GULP1: variants seen among roughly 807,000 people sequenced by gnomAD.
The protein encoded by GULP1 is GULP PTB domain containing engulfment adaptor 1, also known as PTB domain-containing engulfment adapter protein 1.
In GULP1, 19 loss-of-function variants were observed where a neutral mutation model predicts 40.9. The observed-to-expected ratio is 0.46, with a 90% CI of 0.32 to 0.68. The LOEUF (loss-of-function observed/expected upper bound fraction) is 0.68. GULP1 is among the 30% of genes least tolerant of loss of function. The pLI is 0.03. For missense variants in GULP1, 312 were observed against 362.2 expected (o/e 0.86, Z 1.12); for synonymous variants, 119 against 117.6 (o/e 1.01, Z -0.08).
At chr2:188,321,362 C>A (rs1004539819) in intron 1 of GULP1, among the ~76,000 whole-genome samples, 7 of 152,120 alleles carry the variant, frequency 4.6e-5, no homozygotes, top group African/African-American at 1.7e-4. Flanking sequence ...GAAATGTTTT[C>A]TTTGTAAATT....
chr2:188,497,953 C>T (rs2063062232), intron 4 of GULP1, among the ~76,000 whole-genome samples: 1 of 151,972 alleles, frequency 6.6e-6, no homozygotes, highest in Admixed American at 6.6e-5. Context: ...TTTCAGAAGA[C>T]TTTGTTCTTA....
chr2:188,442,814 C>T (rs1410868077), intron 2 of GULP1, among the ~76,000 whole-genome samples: 3 of 152,060 alleles, frequency 2.0e-5, no homozygotes, highest in East Asian at 1.9e-4. Flanking sequence ...TAAATAATGG[C>T]GCTATAAAAT....
intron 6 of GULP1, among the ~76,000 whole-genome samples, chr2:188,536,597 G>C (rs73042430): frequency 0.021 from 3,250 of 152,018 alleles, 107 homozygotes; most frequent in African/African-American, 0.074. Context: ...TAGCCTTATA[G>C]TACAGTCATC....
chr2:188,375,970 G>A lies in GULP1; in HGVS notation c.-171-7793G>A, dbSNP rs941690937. On this transcript the variant is annotated intron_variant, in intron 1 of 11. Transcript: ENST00000409830. ...AGGCTGCAGTAGCCATGCGGAACCCGTATATATGAAAAGCCAGCCCTCCAT... is the reference window on the plus strand; with the variant it reads ...AGGCTGCAGTAGCCATGCGGAACCCATATATATGAAAAGCCAGCCCTCCAT... Among the ~76,000 whole-genome samples, 9 of 152,110 alleles carry A rather than the reference G, an allele frequency of 5.9e-5. No individual in the cohort carries two copies. The South Asian group carries it at 1.2e-3, about 21-fold the overall frequency.
chr2:188,349,086 A>G (rs2044093293), intron 1 of GULP1, among the ~76,000 whole-genome samples: 1 of 152,230 alleles, frequency 6.6e-6, no homozygotes, highest in Admixed American at 6.5e-5. Flanking sequence ...TTAAACTTCC[A>G]CAATCCAAGC....
intron 1 of GULP1, among the ~76,000 whole-genome samples, chr2:188,340,649 T>G (rs1339451815): frequency 1.3e-5 from 2 of 152,152 alleles, no homozygotes; most frequent in Admixed American, 6.5e-5. Flanking sequence ...AGGTGATTGC[T>G]TTCTGCTAGT....
At chr2:188,535,032 A>G (rs1376649406) in intron 6 of GULP1, among the ~76,000 whole-genome samples, 1 of 151,074 alleles carries the variant, frequency 6.6e-6, no homozygotes, top group African/African-American at 2.4e-5. Flanking sequence ...ATTAATAATT[A>G]ATATTCAATT....
chr2:188,593,825 T>C, intron 11 of GULP1, 115 bp from the exon 12 acceptor site: 1 of 640,260 alleles, frequency 1.6e-6, no homozygotes, highest in Non-Finnish European at 2.8e-6. Context: ...CATATAGTTA[T>C]TTATTAGTTG....
chr2:188,517,509 G>A (rs542115392), intron 4 of GULP1, among the ~76,000 whole-genome samples: 1 of 151,310 alleles, frequency 6.6e-6, no homozygotes, highest in Non-Finnish European at 1.5e-5. Context: ...TTTTGTTGCT[G>A]TTTTTTTTCC....
intron 1 of GULP1, among the ~76,000 whole-genome samples, chr2:188,335,147 T>C (rs1346802955): frequency 2.0e-5 from 3 of 152,224 alleles, no homozygotes; most frequent in African/African-American, 4.8e-5. Context: ...TAACTGAAAA[T>C]TGAGAATTAG....
At chr2:188,337,049 T>C (rs1384364152) in intron 1 of GULP1, among the ~76,000 whole-genome samples, 1 of 152,172 alleles carries the variant, frequency 6.6e-6, no homozygotes, top group Non-Finnish European at 1.5e-5. Flanking sequence ...TTTCCCAGAA[T>C]AGAAACCAGA....
At chr2:188,399,700 A>AC (rs1559194888) in intron 2 of GULP1, among the ~76,000 whole-genome samples, 57 of 149,004 alleles carry the variant, frequency 3.8e-4, no homozygotes, top group Admixed American at 8.7e-4. Flanking sequence ...GAAAAAAAAA[A>AC]AAAAAAAAAA....
At chr2:188,431,131 G>A (rs774591714) in intron 2 of GULP1, among the ~76,000 whole-genome samples, 2 of 151,932 alleles carry the variant, frequency 1.3e-5, no homozygotes, top group African/African-American at 2.4e-5. Flanking sequence ...GAGCTTTTTC[G>A]TTGATTTTTC....
intron 2 of GULP1, among the ~76,000 whole-genome samples, chr2:188,420,299 C>A (rs910576801): frequency 6.6e-6 from 1 of 152,116 alleles, no homozygotes; most frequent in African/African-American, 2.4e-5. Flanking sequence ...ACAATATTGT[C>A]TTTCAATAAA....
rs192539822 is a variant in GULP1, at chr2:188,545,739, A to G, written c.399+4421A>G. On this transcript the variant is annotated intron_variant, in intron 7 of 11. Transcript: ENST00000409830. ...CTTAAGCCCTAACATATCAAAAATC[A>G]CATTAAATGTAAATGGTCTAACTAC... 1.6e-4 allele frequency among the ~76,000 whole-genome samples: 24 copies of G among 152,096 alleles called. 1 individual carries two copies. In the East Asian group the frequency reaches 4.6e-3, roughly 29 times the overall value.
intron 7 of GULP1, among the ~76,000 whole-genome samples, chr2:188,553,384 G>A (rs1365941963): frequency 6.6e-6 from 1 of 151,938 alleles, no homozygotes; most frequent in Non-Finnish European, 1.5e-5. Flanking sequence ...AAGGAATGTT[G>A]AACTTTATCA....
intron 1 of GULP1, among the ~76,000 whole-genome samples, chr2:188,370,940 T>C (rs2047520626): frequency 1.3e-5 from 2 of 152,218 alleles, no homozygotes; most frequent in South Asian, 4.1e-4. Context: ...ATAAGATTTT[T>C]CTCCTCTCTT....
intron 9 of GULP1, among the ~76,000 whole-genome samples, chr2:188,571,665 T>C (rs542375779): frequency 2.6e-5 from 4 of 152,326 alleles, no homozygotes; most frequent in African/African-American, 9.6e-5. Context: ...GAACATCAGT[T>C]CAAACTCATT....
chr2:188,531,513 A>C (rs1267454953), intron 6 of GULP1, among the ~76,000 whole-genome samples: 3 of 152,182 alleles, frequency 2.0e-5, no homozygotes, highest in Admixed American at 2.0e-4. Flanking sequence ...TATCCTGTCT[A>C]ATCTTCTCTA....
Sources: gnomAD v4.1 joint callset for allele counts (sites outside exome capture counted in the v4.1 genomes callset) on GRCh38, gnomAD v4.1.1 for gene constraint, MANE v1.5 for transcripts, NCBI Gene and HGNC (gene_info 2026-07-23, HGNC 2026-07-21) for gene names.